Variants in NEB observed in about 807,000 individuals in gnomAD.
NEB encodes the protein nemaline myopathy type 2.
Under a neutral mutation model 952.2 loss-of-function variants are expected in NEB, and 512 were observed. That is an observed-to-expected ratio of 0.54 (90% confidence interval 0.50 to 0.58). The LOEUF (loss-of-function observed/expected upper bound fraction) is 0.58. Ranked by LOEUF, NEB falls within the 20% of genes least tolerant of loss-of-function variation. The pLI, the probability that NEB is intolerant of heterozygous loss-of-function variation, is 0.00. For missense variants in NEB, 8,428 were observed against 9,231.1 expected, an observed-to-expected ratio of 0.91 and a Z score of 3.56; for synonymous variants, 2,900 against 3,149.8, an observed-to-expected ratio of 0.92 and a Z score of 2.66.
At chr2:151,649,973 G>T (rs1558812069) in intron 54 of NEB, among the ~76,000 whole-genome samples, 1 of 152,114 alleles carries the variant, frequency 6.6e-6, no homozygotes, top group African/African-American at 2.4e-5. Context: ...TAAGCTTTGG[G>T]TGACAAAAAC....
In NEB at chr2:151,514,411, A is replaced by T; in HGVS notation, c.23034T>A (p.Asp7678Glu). 6.2e-7 allele frequency: 1 copy of T among 1,612,028 alleles called. No homozygotes were observed. Among genetic ancestry groups the T allele is most frequent in the Non-Finnish European group, 8.5e-7 (1 of 1,178,122 alleles). The change falls in exon 159 of 182, where the codon GAT (aspartate) becomes GAA (glutamate). Residue 7678 changes from aspartate to glutamate, a missense_variant. Physicochemically the swap from Asp to Glu is conservative, Grantham distance 45 (BLOSUM62 2). This residue lies in a region of NEB where 3,374 missense variants were observed against 3,651.5 expected (regional missense o/e 0.92). Coordinates refer to ENST00000397345, the MANE Select transcript of NEB (RefSeq NM_001164508.2). ...CCTTCCCACGGATGCTTTCCTCTAG[A>T]TCTTTCCTGTACTCTTTCTATATCA... ...KIASEKEYRK[D>E]LEESIRGKGL...
chr2:151,542,479 C>G (rs1330233417), intron 135 of NEB, among the ~76,000 whole-genome samples: 1 of 152,178 alleles, frequency 6.6e-6, no homozygotes, highest in Non-Finnish European at 1.5e-5. Flanking sequence ...CTATCTCTAT[C>G]TCAAATTGCT....
intron 55 of NEB, 34 bp downstream of exon 55, chr2:151,646,096 T>C: frequency 2.1e-6 from 3 of 1,460,004 alleles, no homozygotes; most frequent in African/African-American, 2.8e-5. Flanking sequence ...TAAAATGAGC[T>C]TTCTGAAAAC....
intron 20 of NEB, 32 bp from the exon 21 acceptor site, chr2:151,692,394 G>A (rs759291972): frequency 6.8e-7 from 1 of 1,479,158 alleles, no homozygotes. Flanking sequence ...AAACCAAAAA[G>A]AAAGAAATAT....
chr2:151,497,440 CTG>C (rs2060979893), intron 171 of NEB, 184 bp downstream of exon 171: 2 of 980,564 alleles, frequency 2.0e-6, no homozygotes, highest in Non-Finnish European at 2.4e-6. Flanking sequence ...TTGAAATTAA[CTG>C]TATTATAGAA....
At chr2:151,513,717 A>G (rs752495462) in intron 159 of NEB, 24 bp from the exon 160 acceptor site, 35 of 1,505,290 alleles carry the variant, frequency 2.3e-5, no homozygotes, top group African/African-American at 8.3e-5. Context: ...AAAAGAAAAA[A>G]AAAAGGTACC....
chr2:151,545,580 A>G (rs927540889), intron 135 of NEB, among the ~76,000 whole-genome samples: 1 of 152,154 alleles, frequency 6.6e-6, no homozygotes, highest in Non-Finnish European at 1.5e-5. Flanking sequence ...CATCTCAAAA[A>G]AAAAAAGAAA....
intron 148 of NEB, 72 bp downstream of exon 148, chr2:151,526,846 G>T: frequency 9.2e-7 from 1 of 1,084,416 alleles, no homozygotes; most frequent in Non-Finnish European, 1.4e-6. Flanking sequence ...CTTCCCTGGT[G>T]TCCCTGGGGA....
intron 78 of NEB, among the ~76,000 whole-genome samples, chr2:151,611,371 G>T (rs938189901): frequency 2.0e-5 from 3 of 152,170 alleles, no homozygotes; most frequent in Non-Finnish European, 4.4e-5. Context: ...CCAAGTCATA[G>T]CAGATACTCA....
At chr2:151,679,286 A>G (rs1348270651) in intron 32 of NEB, among the ~76,000 whole-genome samples, 1 of 152,236 alleles carries the variant, frequency 6.6e-6, no homozygotes, top group Non-Finnish European at 1.5e-5. Context: ...ACTGGCTATT[A>G]CAGGTGGTGA....
intron 181 of NEB, 135 bp downstream of exon 181, chr2:151,489,836 A>T: frequency 1.8e-6 from 1 of 541,126 alleles, no homozygotes; most frequent in Non-Finnish European, 3.2e-6. Context: ...CATTAATATG[A>T]AACATGTAAT....
In NEB at chr2:151,708,794, T is replaced by C. The variant is rs529991621; in HGVS notation, c.1035+862A>G. On this transcript the variant is annotated intron_variant, in intron 12 of 181. Coordinates refer to ENST00000397345, the MANE Select transcript of NEB (RefSeq NM_001164508.2). ...AAAAAATTACCAACTTCTTCCATAG[T>C]CTTCCCTGTCTCAATAAAGGGAAAC... Among the ~76,000 whole-genome samples, 8 of 152,318 alleles carry C rather than the reference T, an allele frequency of 5.3e-5. No homozygotes were observed. In the East Asian group the frequency reaches 1.4e-3, roughly 26 times the overall value.
chr2:151,688,647 C>CCCTATACATACCATGTTCTTT, intron 24 of NEB, among the ~76,000 whole-genome samples: 1 of 152,238 alleles, frequency 6.6e-6, no homozygotes, highest in Admixed American at 6.5e-5. Context: ...TGGCACTGAA[C>CCCTATACATACCATGTTCTTT]CCTATACATA....
At chr2:151,536,702 G>A (rs748552068) in intron 141 of NEB, among the ~76,000 whole-genome samples, 1 of 152,114 alleles carries the variant, frequency 6.6e-6, no homozygotes, top group Non-Finnish European at 1.5e-5. Flanking sequence ...GGATCCTATT[G>A]TACAACCCAA....
intron 55 of NEB, among the ~76,000 whole-genome samples, chr2:151,645,115 A>G (rs2098938337): frequency 6.6e-6 from 1 of 152,244 alleles, no homozygotes; most frequent in South Asian, 2.1e-4. Context: ...TTTGTTGGCC[A>G]AACTGTTGTT....
At chr2:151,644,235 G>C in intron 56 of NEB, 106 bp from the exon 57 acceptor site, 1 of 1,444,780 alleles carries the variant, frequency 6.9e-7, no homozygotes, top group Non-Finnish European at 9.4e-7. Flanking sequence ...TAAGCCTAGA[G>C]AGCCAAAGAC....
At chr2:151,732,081 G>A (rs1202115588) in intron 3 of NEB, among the ~76,000 whole-genome samples, 1 of 152,014 alleles carries the variant, frequency 6.6e-6, no homozygotes, top group Non-Finnish European at 1.5e-5. Context: ...AGAAATTTTG[G>A]CACTGCCACC....
At chr2:151,625,141 A>C (rs2098495023) in intron 71 of NEB, among the ~76,000 whole-genome samples, 1 of 152,192 alleles carries the variant, frequency 6.6e-6, no homozygotes, top group South Asian at 2.1e-4. Context: ...AAAATTCTTT[A>C]AGGTAAGCAT....
chr2:151,661,199 A>G (rs1233581908), intron 46 of NEB, among the ~76,000 whole-genome samples: 1 of 152,154 alleles, frequency 6.6e-6, no homozygotes, highest in Non-Finnish European at 1.5e-5. Flanking sequence ...TCCTCTTGGC[A>G]TCATTATCCT....
Sources: allele counts gnomAD v4.1 joint callset (sites outside exome capture counted in the v4.1 genomes callset), GRCh38; gene constraint gnomAD v4.1.1; regional missense constraint gnomAD v4.1.1; transcripts MANE v1.5; gene names NCBI Gene and HGNC (gene_info 2026-07-23, HGNC 2026-07-21).